ACOT7: variants seen among roughly 807,000 people sequenced by gnomAD.
The protein encoded by ACOT7 is cytosolic acyl coenzyme A thioester hydrolase.
In ACOT7, 12 loss-of-function variants were observed where a neutral mutation model predicts 40.2. The ratio of observed to expected loss-of-function variants is 0.30; its 90% CI spans 0.19 to 0.48. ACOT7 has a LOEUF of 0.48. Among genes scored for constraint, ACOT7 ranks in the 20% least tolerant of loss-of-function variants. The pLI is 0.99. For missense variants in ACOT7, 395 were observed against 530.8 expected (o/e 0.74, Z 2.51); for synonymous variants, 228 against 219.5 (o/e 1.04, Z -0.34).
intron 7 of ACOT7, among the ~76,000 whole-genome samples, chr1:6,292,551 C>A (rs1342869522): frequency 6.6e-6 from 1 of 152,230 alleles, no homozygotes; most frequent in African/African-American, 2.4e-5. Flanking sequence ...ACTGCAGTTC[C>A]TGGTTTTCCC....
Position 6,355,749 on chromosome 1 carries a change from G to A in ACOT7, c.144-5883C>T, listed in dbSNP as rs556058285. Among the ~76,000 whole-genome samples, 3 of 152,300 alleles carry A rather than the reference G, an allele frequency of 2.0e-5. No homozygotes were observed. The highest frequency in any genetic ancestry group is 6.5e-5 in the Admixed American group (1 of 15,302). Reference sequence around the variant, plus strand: ...CTCAGATCTCATCACACCAGAGGCCGGCCAGCACTCATCCCAAGAGCGCCT... The same window carrying A: ...CTCAGATCTCATCACACCAGAGGCCAGCCAGCACTCATCCCAAGAGCGCCT... On this transcript the variant is annotated intron_variant, in intron 1 of 8. Coordinates refer to ENST00000361521, the MANE Select transcript of ACOT7 (RefSeq NM_007274.4). The surrounding 1 kb of genome is among the most constrained non-coding windows in gnomAD (Gnocchi z 5.0).
intron 8 of ACOT7, among the ~76,000 whole-genome samples, chr1:6,277,068 G>T (rs558308300): frequency 6.6e-6 from 1 of 152,146 alleles, no homozygotes; most frequent in East Asian, 1.9e-4. Context: ...GGTCACAGGC[G>T]CGGCCCCAAA....
At position 6,309,743 on chromosome 1, in the gene ACOT7, C is replaced by T. The variant is rs1011417503; in HGVS notation, c.712+8749G>A. On this transcript the variant is annotated intron_variant, in intron 6 of 8. Coordinates refer to ENST00000361521, the MANE Select transcript of ACOT7 (RefSeq NM_007274.4). ...CTTTAGGGAACTTATAATTAAAACGCTCTTTGTGGTCAAGTGCATGATCCT... is the reference window on the plus strand; with the variant it reads ...CTTTAGGGAACTTATAATTAAAACGTTCTTTGTGGTCAAGTGCATGATCCT... Among the ~76,000 whole-genome samples, 4 of 152,268 alleles carry T rather than the reference C, an allele frequency of 2.6e-5. No homozygotes were observed. The South Asian group carries it at 6.2e-4, about 24-fold the overall frequency.
intron 7 of ACOT7, among the ~76,000 whole-genome samples, chr1:6,290,433 C>G (rs1299110578): frequency 1.3e-5 from 2 of 152,180 alleles, no homozygotes; most frequent in Non-Finnish European, 2.9e-5. Flanking sequence ...AGTGGCCTCT[C>G]AGGGCTGCTC....
chr1:6,349,688 T>C, intron 2 of ACOT7, 61 bp downstream of exon 2: 1 of 1,515,532 alleles, frequency 6.6e-7, no homozygotes, highest in Non-Finnish European at 9.0e-7. Context: ...GGGGAACTCC[T>C]GTCCTGAACT....
intron 8 of ACOT7, among the ~76,000 whole-genome samples, chr1:6,277,601 G>A (rs767460876): frequency 2.8e-4 from 43 of 152,262 alleles, no homozygotes; most frequent in Non-Finnish European, 5.1e-4. Flanking sequence ...TACAGACAGT[G>A]GCTCTGCGCC....
intron 7 of ACOT7, among the ~76,000 whole-genome samples, chr1:6,284,883 C>G (rs973069750): frequency 6.6e-6 from 1 of 152,208 alleles, no homozygotes; most frequent in Non-Finnish European, 1.5e-5. Context: ...TAGAAAAGCC[C>G]TCCTCTTACA....
chr1:6,337,850 C>T (rs772115972), intron 3 of ACOT7, among the ~76,000 whole-genome samples: 1 of 152,048 alleles, frequency 6.6e-6, no homozygotes, highest in Non-Finnish European at 1.5e-5. Flanking sequence ...TGGCTCATGC[C>T]TGTAATCCCA....
intron 2 of ACOT7, among the ~76,000 whole-genome samples, chr1:6,346,484 A>T (rs1428541080): frequency 1.3e-5 from 2 of 152,266 alleles, no homozygotes; most frequent in Non-Finnish European, 2.9e-5. Flanking sequence ...AAGTCCGAGA[A>T]GAAGCAGAAA....
intron 1 of ACOT7, 88 bp downstream of exon 1, chr1:6,393,169 G>A: frequency 8.4e-7 from 1 of 1,188,434 alleles, no homozygotes; most frequent in Non-Finnish European, 1.0e-6. Context: ...GGCCTCGGCG[G>A]GTGGGGACCA....
At chr1:6,314,823 A>C (rs72854387) in intron 6 of ACOT7, among the ~76,000 whole-genome samples, 12,236 of 142,768 alleles carry the variant, frequency 0.086, 1,234 homozygotes, top group African/African-American at 0.25. Flanking sequence ...TCCACGAGCC[A>C]TTCAACCCAG....
rs1486530918 is a variant in ACOT7 at position 6,306,503 on chromosome 1, G to A, written c.713-11523C>T. ...TCAAGTTCACCAGTCCCCACGTCCC[G>A]CTCCCCCGCTGAAGCATCAGGATGG... is the stretch of plus-strand genomic sequence containing the variant. On this transcript the variant is annotated intron_variant, in intron 6 of 8. Transcript: ENST00000361521. The surrounding 1 kb of genome is among the most constrained non-coding windows in gnomAD (Gnocchi z 4.3). 1.5e-5 allele frequency: 15 copies of A among 985,188 alleles called. No individual in the cohort carries two copies. Among genetic ancestry groups the A allele is most frequent in the Non-Finnish European group, 1.8e-5 (15 of 829,914 alleles). The allele number at this position is 985,188 out of a possible 1,614,324, so 61.0% of individuals were successfully genotyped here.
chr1:6,361,759 T>C (rs946700201), intron 1 of ACOT7, among the ~76,000 whole-genome samples: 4 of 152,150 alleles, frequency 2.6e-5, no homozygotes, highest in African/African-American at 9.7e-5. Flanking sequence ...ATCACGTCAC[T>C]GCGTTACTGC....
At chr1:6,319,353 T>C (rs1640581549) in intron 5 of ACOT7, among the ~76,000 whole-genome samples, 1 of 152,132 alleles carries the variant, frequency 6.6e-6, no homozygotes, top group South Asian at 2.1e-4. Flanking sequence ...CCAGCACACC[T>C]GGCTAATTTT....
At position 6,337,401 on chromosome 1, in the gene ACOT7, C is replaced by T. The variant is rs145015262; in HGVS notation, c.418+2032G>A. On this transcript the variant is annotated intron_variant, in intron 3 of 8. Coordinates refer to ENST00000361521, the MANE Select transcript of ACOT7 (RefSeq NM_007274.4). The stretch of plus-strand genomic sequence containing the variant: ...CAGATTGTGTCGTCCTCATCAAAAC[C>T]CCATCAGCCAGCATGTCTCAGCACT... Among the ~76,000 whole-genome samples the T allele has an allele frequency of 1.1e-3, 169 of 152,352 alleles. 2 individuals are homozygous for T. The highest frequency in any genetic ancestry group is 3.8e-3 in the African/African-American group (159 of 41,590).
At chr1:6,316,556 TC>T (rs1348431059) in intron 6 of ACOT7, among the ~76,000 whole-genome samples, 2 of 152,228 alleles carry the variant, frequency 1.3e-5, no homozygotes, top group Non-Finnish European at 2.9e-5. Context: ...ACGCCTGTGA[TC>T]CCAGCACTTT....
chr1:6,306,409 G>A lies in ACOT7; in HGVS notation c.713-11429C>T. ...TTCCTGGGACAGGTGCCTATAGGAT[G>A]CTTGGACTGGAGTGATATGAACCCC... is the stretch of plus-strand genomic sequence containing the variant. On this transcript the variant is annotated intron_variant, in intron 6 of 8. Coordinates refer to ENST00000361521, the MANE Select transcript of ACOT7 (RefSeq NM_007274.4). The surrounding 1 kb of genome is among the most constrained non-coding windows in gnomAD (Gnocchi z 4.3). The A allele has an allele frequency of 1.0e-6, 1 of 985,370 alleles. No homozygotes were observed. Among genetic ancestry groups the A allele is most frequent in the East Asian group, 1.1e-4 (1 of 8,808 alleles). 61.0% of individuals were successfully genotyped at this position (985,370 alleles called of 1,614,324 possible).
chr1:6,276,010 G>A (rs905067164), intron 8 of ACOT7, among the ~76,000 whole-genome samples: 3 of 152,140 alleles, frequency 2.0e-5, no homozygotes, highest in Non-Finnish European at 2.9e-5. Flanking sequence ...GTGGGGTCAC[G>A]GCGCTCACTC....
At position 6,301,534 on chromosome 1, in the gene ACOT7, C is replaced by A. The variant is rs72854339; in HGVS notation, c.713-6554G>T. On this transcript the variant is annotated intron_variant, in intron 6 of 8. Transcript: ENST00000361521. This position sits in a 1 kb window ranked among gnomAD's most constrained non-coding sequence, Gnocchi z 4.1. Reference sequence around the variant, plus strand: ...CTGCATGATGTGACATGGACGCCTGCACTGGGTGAGGACCTGCCTCGTTGT... The same window carrying A: ...CTGCATGATGTGACATGGACGCCTGAACTGGGTGAGGACCTGCCTCGTTGT... 0.026 allele frequency among the ~76,000 whole-genome samples: 3,995 copies of A among 152,310 alleles called. 132 individuals carry two copies. Among genetic ancestry groups the A allele is most frequent in the African/African-American group, 0.075 (3,111 of 41,556 alleles).
Sources: gnomAD v4.1 joint callset for allele counts (sites outside exome capture counted in the v4.1 genomes callset) on GRCh38, gnomAD v4.1.1 for gene constraint, Gnocchi (gnomAD v3.1) non-coding constraint, MANE v1.5 for transcripts, NCBI Gene and HGNC (gene_info 2026-07-23, HGNC 2026-07-21) for gene names.